Variants in SDK1 observed in about 807,000 individuals in gnomAD.
SDK1 encodes sidekick cell adhesion molecule 1.
SDK1 carries 157 observed loss-of-function variants against 245.5 expected under a neutral mutation model. That is an observed-to-expected ratio of 0.64 (90% confidence interval 0.56 to 0.73). The LOEUF (loss-of-function observed/expected upper bound fraction) is 0.73, where lower values mean the gene tolerates loss of function less well. Ranked by LOEUF, SDK1 falls within the 30% of genes least tolerant of loss-of-function variation. SDK1 has a pLI of 0.00. For missense variants in SDK1, 3,583 were observed against 3,002.3 expected (o/e 1.19, Z -4.52); for synonymous variants, 1,647 against 1,278.5 (o/e 1.29, Z -6.15).
chr7:4,077,054 C>G lies in SDK1; in HGVS notation c.3067C>G (p.Leu1023Val). 2.5e-6 allele frequency: 4 copies of G among 1,614,188 alleles called. No homozygotes were observed. The highest frequency in any genetic ancestry group is 3.4e-6 in the Non-Finnish European group (4 of 1,180,018). The part of the protein sequence containing the change: ...GRNDSRLTHT[L>V]NSTTHEYKIQ... ...GAACGACTCTCGTCTCACGCACACC[C>G]TGAACAGCACGACGCACGAGTACAA... Residue 1023 changes from leucine to valine, a missense_variant, in exon 21 of 45, where the codon CTG (leucine) becomes GTG (valine). By Grantham distance (32) the Leu-to-Val change is conservative (BLOSUM62 1). Transcript: ENST00000404826.
chr7:4,190,459 C>T (rs74780892), intron 35 of SDK1, among the ~76,000 whole-genome samples: 6,590 of 152,296 alleles, frequency 0.043, 158 homozygotes, highest in Non-Finnish European at 0.05. Context: ...CAGCTTTATC[C>T]GGAGTCCGCA....
intron 34 of SDK1, 149 bp downstream of exon 34, chr7:4,175,983 A>T (rs1333620663): frequency 6.1e-6 from 4 of 656,254 alleles, no homozygotes; most frequent in Non-Finnish European, 1.1e-5. Flanking sequence ...CCACATACCA[A>T]ACCACCAGGG....
chr7:4,130,137 C>G, intron 27 of SDK1, 40 bp downstream of exon 27: 1 of 1,514,002 alleles, frequency 6.6e-7, no homozygotes, highest in Non-Finnish European at 8.9e-7. Flanking sequence ...CTTGCTGCCT[C>G]CCAGGTTGGC....
chr7:3,920,236 C>G (rs143835292), intron 5 of SDK1, among the ~76,000 whole-genome samples: 1 of 152,094 alleles, frequency 6.6e-6, no homozygotes, highest in East Asian at 1.9e-4. Flanking sequence ...CGGGGTGATT[C>G]GTTGAAAGAT....
At chr7:3,684,531 A>G (rs1784216359) in intron 4 of SDK1, among the ~76,000 whole-genome samples, 1 of 152,226 alleles carries the variant, frequency 6.6e-6, no homozygotes, top group Non-Finnish European at 1.5e-5. Flanking sequence ...CACTAAAAAG[A>G]GATGCATAGG....
chr7:3,621,486 G>C (rs577138647), intron 2 of SDK1, among the ~76,000 whole-genome samples: 1 of 152,336 alleles, frequency 6.6e-6, no homozygotes, highest in South Asian at 2.1e-4. Context: ...TTCCTAATAA[G>C]AAGTAGGCAT....
rs1001267580 is a variant in SDK1, at chr7:3,672,173, A to C, written c.713+30068A>C. Among the ~76,000 whole-genome samples the C allele has an allele frequency of 2.6e-5, 4 of 152,082 alleles. No homozygotes were observed. The East Asian group carries it at 7.7e-4, about 29-fold the overall frequency. On this transcript the variant is annotated intron_variant, in intron 4 of 44. Coordinates refer to ENST00000404826, the MANE Select transcript of SDK1 (RefSeq NM_152744.4). ...TGGTCTAACCTGAAGGACTATAGGA[A>C]TGAGGGCAGGGAGAATTGTAGGGAG...
rs17133652 is a variant in SDK1 at position 3,690,133 on chromosome 7, A to G, written c.713+48028A>G. 2.0e-3 allele frequency among the ~76,000 whole-genome samples: 304 copies of G among 152,286 alleles called. 1 individual carries two copies. The highest frequency in any genetic ancestry group is 6.9e-3 in the African/African-American group (287 of 41,568). On this transcript the variant is annotated intron_variant, in intron 4 of 44. Transcript: ENST00000404826. ...ACAGAACAGATCGAACCTTTTGGAA[A>G]AATCTGGAATGGAAGCTGGGACTAA...
intron 5 of SDK1, among the ~76,000 whole-genome samples, chr7:3,936,478 G>A (rs188398602): frequency 1.1e-4 from 16 of 151,872 alleles, no homozygotes; most frequent in African/African-American, 3.1e-4. Context: ...CCAGCTACTC[G>A]GGAGGCTGAG....
At chr7:3,838,280 A>G (rs1449111301) in intron 5 of SDK1, among the ~76,000 whole-genome samples, 3 of 152,240 alleles carry the variant, frequency 2.0e-5, no homozygotes, top group African/African-American at 7.2e-5. Flanking sequence ...TGAGATGGTC[A>G]TCTAGATGGG....
At chr7:3,743,998 C>T (rs1257282353) in intron 4 of SDK1, among the ~76,000 whole-genome samples, 1 of 152,150 alleles carries the variant, frequency 6.6e-6, no homozygotes, top group Non-Finnish European at 1.5e-5. Context: ...AACAGCTTGA[C>T]TCACAGATTC....
At chr7:3,691,975 G>C (rs1402288685) in intron 4 of SDK1, among the ~76,000 whole-genome samples, 1 of 151,974 alleles carries the variant, frequency 6.6e-6, no homozygotes, top group East Asian at 1.9e-4. Context: ...CTTTCAGTCT[G>C]TCCCCCTTTA....
chr7:3,588,270 A>G (rs1780753859), intron 1 of SDK1, among the ~76,000 whole-genome samples: 1 of 152,220 alleles, frequency 6.6e-6, no homozygotes, highest in African/African-American at 2.4e-5. Context: ...AATTTATAAC[A>G]TCAGATTAAT....
intron 1 of SDK1, among the ~76,000 whole-genome samples, chr7:3,370,395 C>G (rs1781192719): frequency 6.6e-6 from 1 of 152,164 alleles, no homozygotes; most frequent in Non-Finnish European, 1.5e-5. Flanking sequence ...AAGTCTGTAT[C>G]TTGACTTCAC....
intron 17 of SDK1, among the ~76,000 whole-genome samples, chr7:4,046,107 A>G (rs929945022): frequency 6.7e-6 from 1 of 150,060 alleles, no homozygotes; most frequent in Non-Finnish European, 1.5e-5. Context: ...TTTTTTTTTT[A>G]ATTTTGTAAT....
chr7:3,798,375 G>A (rs1019865754), intron 4 of SDK1, among the ~76,000 whole-genome samples: 17 of 151,638 alleles, frequency 1.1e-4, no homozygotes, highest in South Asian at 2.1e-4. Flanking sequence ...CCGCCACCAC[G>A]CCCAGCTAAT....
chr7:3,786,765 G>T (rs767693192), intron 4 of SDK1, among the ~76,000 whole-genome samples: 1 of 152,072 alleles, frequency 6.6e-6, no homozygotes, highest in South Asian at 2.1e-4. Context: ...TGTTACCTGT[G>T]CCTGTGCTTT....
rs553994013 is a variant in SDK1, at chr7:3,984,970, C to G, written c.1995-2216C>G. ...AAATCCTGCATTCCTACCACTCTCA[C>G]CGACCCCAAGCCTCCCAGAGTTGAA... On this transcript the variant is annotated intron_variant, in intron 13 of 44. Coordinates refer to ENST00000404826, the MANE Select transcript of SDK1 (RefSeq NM_152744.4). Among the ~76,000 whole-genome samples the G allele has an allele frequency of 3.9e-5, 6 of 152,366 alleles. No individual in the cohort carries two copies. The South Asian group carries it at 1.2e-3, about 32-fold the overall frequency.
intron 5 of SDK1, among the ~76,000 whole-genome samples, chr7:3,927,332 T>C (rs1400698450): frequency 6.6e-6 from 1 of 152,222 alleles, no homozygotes; most frequent in Non-Finnish European, 1.5e-5. Context: ...TTCCCTCCTA[T>C]TTTTCATTAG....
Sources: allele counts gnomAD v4.1 joint callset (sites outside exome capture counted in the v4.1 genomes callset), GRCh38; gene constraint gnomAD v4.1.1; transcripts MANE v1.5; gene names NCBI Gene and HGNC (gene_info 2026-07-23, HGNC 2026-07-21).